Variants in ATAD3B observed in about 807,000 individuals in gnomAD.
ATAD3B encodes the protein ATPase family AAA domain-containing protein 3B.
A neutral mutation model predicts 70.2 loss-of-function variants in ATAD3B; 59 were observed. The ratio of observed to expected loss-of-function variants is 0.84; its 90% confidence interval spans 0.68 to 1.04. ATAD3B has a LOEUF of 1.04. Among genes scored for constraint, ATAD3B ranks in the 50% least tolerant of loss-of-function variants. ATAD3B has a pLI of 0.00. For synonymous variants in ATAD3B, 423 were observed against 388.6 expected, an observed-to-expected ratio of 1.09 and a Z score of -1.04; for missense variants, 961 against 913.4, an observed-to-expected ratio of 1.05 and a Z score of -0.67.
chr1:1,473,503 CT>C (rs904291333), intron 1 of ATAD3B, among the ~76,000 whole-genome samples: 72 of 142,142 alleles, frequency 5.1e-4, no homozygotes, highest in Admixed American at 4.2e-4. Flanking sequence ...CGCATGCCAC[CT>C]TTTTTTTTTT....
rs1434482840 is a variant in ATAD3B at position 1,482,359 on chromosome 1, G to C, written c.680+56G>C. 13 of 1,553,330 alleles carry C rather than the reference G, an allele frequency of 8.4e-6. 1 individual carries two copies. The South Asian group carries it at 1.5e-4, about 17-fold the overall frequency. On this transcript the variant is annotated intron_variant, in intron 6 of 15. Transcript: ENST00000673477. ...AGATGGAGCCCCGCAGGTGTGAGTC[G>C]CTGGTCCCAGGGCGCTCTCCAGCTC...
At position 1,484,984 on chromosome 1, in the gene ATAD3B, G is replaced by T; in HGVS notation, c.751-32G>T. 3 of 1,587,190 alleles carry T rather than the reference G, an allele frequency of 1.9e-6. 1 individual carries two copies. Among genetic ancestry groups the T allele is most frequent in the Non-Finnish European group, 2.6e-6 (3 of 1,167,322 alleles). On this transcript the variant is annotated intron_variant, in intron 7 of 15. Coordinates refer to ENST00000673477, the MANE Select transcript of ATAD3B (RefSeq NM_031921.6). The stretch of plus-strand genomic sequence containing the variant: ...GCTCTAGGAGGGAGGGACGGTGGGG[G>T]CCGGTGCGCCAGTGCGGTGTCTCTG...
intron 1 of ATAD3B, among the ~76,000 whole-genome samples, chr1:1,476,094 C>T (rs939034070): frequency 1.4e-5 from 2 of 141,104 alleles, no homozygotes; most frequent in African/African-American, 6.0e-5. Context: ...CAGCCAAACC[C>T]GTTGACCTGG....
chr1:1,501,278 G>A (rs1415375822), downstream of ATAD3B, among the ~76,000 whole-genome samples: 4 of 149,438 alleles, frequency 2.7e-5, no homozygotes, highest in Non-Finnish European at 1.5e-5. Context: ...TTTTTGAGAC[G>A]GAGTCTCGCT....
At chr1:1,508,819 CAGGGTCTG>C in the ATAD3B span, among the ~76,000 whole-genome samples, 1 of 151,492 alleles carries the variant, frequency 6.6e-6, no homozygotes, top group Admixed American at 6.5e-5. Context: ...CTGTGAGGGT[CAGGGTCTG>C]AGGGTCTGAG....
chr1:1,500,757 T>A (rs184743423), downstream of ATAD3B, among the ~76,000 whole-genome samples: 978 of 150,536 alleles, frequency 6.5e-3, 10 homozygotes, highest in Middle Eastern at 0.024. Flanking sequence ...ATCGAGACCA[T>A]CCTGGCTAAC....
the ATAD3B span, among the ~76,000 whole-genome samples, chr1:1,505,911 G>A: frequency 1.3e-5 from 2 of 152,042 alleles, no homozygotes; most frequent in African/African-American, 4.8e-5. Flanking sequence ...GGAACAGCTC[G>A]TGCCCTCGGT....
the ATAD3B span, among the ~76,000 whole-genome samples, chr1:1,504,068 A>G: frequency 6.6e-6 from 1 of 151,832 alleles, no homozygotes; most frequent in Non-Finnish European, 1.5e-5. Context: ...GCTCACTGCA[A>G]TCTCTGCCTT....
At chr1:1,500,377 C>G (rs1640917045), downstream of ATAD3B, among the ~76,000 whole-genome samples, 1 of 147,846 alleles carries the variant, frequency 6.8e-6, no homozygotes, top group African/African-American at 2.5e-5. Context: ...ACGGTGAAAC[C>G]CCGTCTCTAC....
At chr1:1,503,805 T>C in the ATAD3B span, 1 of 1,277,018 alleles carries the variant, frequency 7.8e-7, no homozygotes, top group South Asian at 1.3e-5. Context: ...GGCGCCTCAT[T>C]TCACAGAAGG....
At chr1:1,503,670 G>A in the ATAD3B span, 1 of 1,611,504 alleles carries the variant, frequency 6.2e-7, no homozygotes. Flanking sequence ...AAGTGAGTGG[G>A]GCCGGTGTGG....
At position 1,475,335 on chromosome 1, in the gene ATAD3B, G is replaced by A. The variant is rs368919442; in HGVS notation, c.206-1939G>A. Among the ~76,000 whole-genome samples the A allele has an allele frequency of 3.0e-3, 439 of 147,808 alleles. 4 individuals carry two copies. Among genetic ancestry groups the A allele is most frequent in the African/African-American group, 5.1e-3 (202 of 39,324 alleles). ...GCTGGCGGGTGAGAGAGGTTTCTCC[G>A]GAGTTGACTGCCCCCTTTCCCCGGG... On this transcript the variant is annotated intron_variant, in intron 1 of 15. Coordinates refer to ENST00000673477, the MANE Select transcript of ATAD3B (RefSeq NM_031921.6).
the ATAD3B span, among the ~76,000 whole-genome samples, chr1:1,506,933 G>A: frequency 2.0e-5 from 3 of 151,864 alleles, no homozygotes; most frequent in Admixed American, 6.6e-5. Context: ...GAATACAGGC[G>A]CCTGCCACCA....
Position 1,490,565 on chromosome 1 carries a change from G to T in ATAD3B, c.1508G>T (p.Arg503Leu), listed in dbSNP as rs1281098355. ...VLKPATEGKR[R>L]LKLAQFDYGR... ...TCACTTGGGAACTCCTTCCCCAGGC[G>T]CCTGAAGCTGGCCCAGTTTGACTAC... The change falls in exon 15 of 16, where the codon CGC becomes CTC. Residue 503 changes from arginine (R) to leucine (L), a missense_variant and splice_region_variant. Physicochemically the swap from Arg to Leu is moderately radical, Grantham distance 102 (BLOSUM62 -2). Coordinates refer to ENST00000673477, the MANE Select transcript of ATAD3B (RefSeq NM_031921.6). 5.6e-6 allele frequency: 9 copies of T among 1,610,758 alleles called. No individual in the cohort carries two copies. Among genetic ancestry groups the T allele is most frequent in the Non-Finnish European group, 7.6e-6 (9 of 1,178,920 alleles).
Position 1,496,085 on chromosome 1 carries a change from A to G in ATAD3B, c.*268A>G. 3 of 1,219,858 alleles carry G rather than the reference A, an allele frequency of 2.5e-6. No homozygotes were observed. The highest frequency in any genetic ancestry group is 1.5e-5 in the African/African-American group (1 of 65,554). The allele number at this position is 1,219,858 out of a possible 1,614,324, so 75.6% of individuals were successfully genotyped here. ...GGCGGCCTGAACCCTGCTTCCAGCC[A>G]TGGCCAGGGGCCACGGAACCCGGCA... On this transcript the variant is annotated 3_prime_UTR_variant, in exon 16 of 16. Transcript: ENST00000673477.
At chr1:1,499,393 C>T (rs570304618), downstream of ATAD3B, among the ~76,000 whole-genome samples, 13 of 149,152 alleles carry the variant, frequency 8.7e-5, 1 homozygote, top group South Asian at 6.4e-4. Flanking sequence ...CGTGCCACCA[C>T]GCCCAGCTAC....
chr1:1,495,666 C>T lies in ATAD3B; in HGVS notation c.1796C>T (p.Ala599Val). ...GAGACCCTCACCTCATGGAGCCTGGCCACGGACCCCTCCTACCCCTGCCTT... is the reference window on the plus strand; with the variant it reads ...GAGACCCTCACCTCATGGAGCCTGGTCACGGACCCCTCCTACCCCTGCCTT... Reference protein sequence around the residue: ...QGETLTSWSLATDPSYPCLAG... With the variant: ...QGETLTSWSLVTDPSYPCLAG... The change falls in exon 16 of 16, where the codon GCC (alanine) becomes GTC (valine). Residue 599 changes from alanine (A) to valine (V), a missense_variant. Transcript: ENST00000673477. The T allele has an allele frequency of 6.2e-7, 1 of 1,612,924 alleles. No individual in the cohort carries two copies. The highest frequency in any genetic ancestry group is 8.5e-7 in the Non-Finnish European group (1 of 1,179,310).
Position 1,490,271 on chromosome 1 carries a change from T to C in ATAD3B, c.1352T>C (p.Leu451Pro), listed in dbSNP as rs755889854. The C allele has an allele frequency of 4.3e-6, 7 of 1,612,804 alleles. 1 individual carries two copies. In the Admixed American group the frequency reaches 5.0e-5, roughly 12 times the overall value. The change falls in exon 14 of 16, where the codon CTG (leucine) becomes CCG (proline). Residue 451 changes from leucine (L) to proline (P), a missense_variant. By Grantham distance (98) the Leu-to-Pro change is moderately conservative (BLOSUM62 -3). Around this residue, in one of 4 missense-constraint regions of ATAD3B, gnomAD observed 417 missense variants for 335.0 expected, o/e 1.24. Coordinates refer to ENST00000673477, the MANE Select transcript of ATAD3B (RefSeq NM_031921.6). ...CTGTCCTACAGATTCATGCTGGTCC[T>C]GGCCAGCAATCTGCCTGAGCAGTTC... ...GQHSNKFMLV[L>P]ASNLPEQFDC...
the ATAD3B span, among the ~76,000 whole-genome samples, chr1:1,506,265 T>G: frequency 1.3e-5 from 2 of 152,124 alleles, no homozygotes; most frequent in Admixed American, 1.3e-4. Flanking sequence ...TTTTTTCCCT[T>G]TGGCAATTCA....
Sources: gnomAD v4.1 joint callset for allele counts (sites outside exome capture counted in the v4.1 genomes callset) on GRCh38, gnomAD v4.1.1 for gene constraint, gnomAD v4.1.1 regional missense constraint, MANE v1.5 for transcripts, NCBI Gene and HGNC (gene_info 2026-07-23, HGNC 2026-07-21) for gene names.